The following ZNF83 variants were observed in gnomAD, a reference collection of about 807,000 sequenced individuals.
ZNF83 encodes the protein zinc finger protein 83.
For synonymous variants in ZNF83, 209 were observed against 213.0 expected, an observed-to-expected ratio of 0.98 and a Z score of 0.17; for missense variants, 552 against 629.9, an observed-to-expected ratio of 0.88 and a Z score of 1.32.
rs140349686 is a variant in ZNF83, at chr19:52,682,839, G to A, written c.-283+7604C>T. ...ACTAGAATTTTGCCATTGTACTCCA[G>A]ACCTGGGCCACAGAGCGACACCTTC... On this transcript the variant is annotated intron_variant, in intron 1 of 5. Coordinates refer to the ZNF83 transcript ENST00000594682. Among the ~76,000 whole-genome samples, 594 of 152,226 alleles carry A rather than the reference G, an allele frequency of 3.9e-3. 1 individual carries two copies. The highest frequency in any genetic ancestry group is 0.014 in the African/African-American group (564 of 41,556).
intron 1 of ZNF83, among the ~76,000 whole-genome samples, chr19:52,666,163 C>CA (rs35992506): frequency 0.66 from 67,137 of 102,030 alleles, 20,123 homozygotes; most frequent in Admixed American, 0.72. Context: ...GACTCCATCT[C>CA]AAAAAAAAAA....
At chr19:52,633,668 G>A (rs191605574) in intron 2 of ZNF83, among the ~76,000 whole-genome samples, 194 of 152,230 alleles carry the variant, frequency 1.3e-3, no homozygotes, top group African/African-American at 4.6e-3. Flanking sequence ...CCAGCACTTC[G>A]GGAGGCCCAA....
rs566754116 is a variant in ZNF83, at chr19:52,668,510, T to C, written c.-282-7667A>G. Among the ~76,000 whole-genome samples, 629 of 152,318 alleles carry C rather than the reference T, an allele frequency of 4.1e-3. 3 individuals are homozygous for C. The highest frequency in any genetic ancestry group is 0.014 in the African/African-American group (596 of 41,566). ...GAGCAGAGGTCACTGGAAAGGATCC[T>C]ATAGGCTTCTTTAGGGTGTGCTTTT... On this transcript the variant is annotated intron_variant, in intron 1 of 5. Transcript: ENST00000594682.
chr19:52,640,674 C>G (rs1202302353), upstream of ZNF83, among the ~76,000 whole-genome samples: 1 of 152,088 alleles, frequency 6.6e-6, no homozygotes, highest in Non-Finnish European at 1.5e-5. Flanking sequence ...CCCAGTCCAC[C>G]CCTTTACTGA....
chr19:52,687,616 GTATATATATATATAATGTATA>G (rs1240167049), intron 1 of ZNF83, among the ~76,000 whole-genome samples: 1 of 15,822 alleles, frequency 6.3e-5, no homozygotes, highest in Non-Finnish European at 1.1e-4. Flanking sequence ...TATATAATGT[GTATATATATATATAATGTATA>G]TATATATATA....
intron 1 of ZNF83, among the ~76,000 whole-genome samples, chr19:52,671,434 C>T (rs2061723704): frequency 6.6e-6 from 1 of 152,014 alleles, no homozygotes; most frequent in Non-Finnish European, 1.5e-5. Context: ...TACCTTTTAT[C>T]TTCAAGTTGT....
chr19:52,613,578 C>G (rs542960627), exon 3 of ZNF83: 3 of 1,610,858 alleles, frequency 1.9e-6, no homozygotes, highest in Non-Finnish European at 2.5e-6. Flanking sequence ...CTAGGGATGA[C>G]TTGTGACTGA....
intron 3 of ZNF83, among the ~76,000 whole-genome samples, chr19:52,648,271 A>G (rs977976893): frequency 2.0e-5 from 3 of 149,970 alleles, no homozygotes; most frequent in South Asian, 2.1e-4. Context: ...CTACTGCTCT[A>G]TGTCTGTCTC....
In ZNF83 at chr19:52,631,994, A is replaced by G. The variant is rs2060985622; in HGVS notation, c.-234+3072T>C. ...ATTTGCCCCCACCCAGGACTGGCAA[A>G]TTAGCTTTACTCAACGTGCCCTGAG... On this transcript the variant is annotated intron_variant, in intron 2 of 2. Coordinates refer to ENST00000301096, the Ensembl canonical transcript of ZNF83. 2.0e-5 allele frequency among the ~76,000 whole-genome samples: 3 copies of G among 151,858 alleles called. No individual in the cohort carries two copies. The South Asian group carries it at 6.2e-4, about 32-fold the overall frequency.
chr19:52,626,359 A>ATGG, intron 2 of ZNF83, among the ~76,000 whole-genome samples: 1 of 152,230 alleles, frequency 6.6e-6, no homozygotes, highest in Non-Finnish European at 1.5e-5. Context: ...ACTGCTGAAA[A>ATGG]AGGAGGACTC....
exon 3 of ZNF83, chr19:52,614,141 T>G: frequency 1.2e-6 from 2 of 1,614,204 alleles, no homozygotes; most frequent in Non-Finnish European, 1.7e-6. Flanking sequence ...CCAGTATGAA[T>G]TCTTTGATGA....
chr19:52,623,282 C>CTCTT (rs2060614361), intron 2 of ZNF83, among the ~76,000 whole-genome samples: 1 of 152,114 alleles, frequency 6.6e-6, no homozygotes, highest in African/African-American at 2.4e-5. Flanking sequence ...CTTTGGGTAA[C>CTCTT]TCTTACAGTG....
chr19:52,644,135 A>G (rs1258280659), intron 3 of ZNF83, among the ~76,000 whole-genome samples: 1 of 151,150 alleles, frequency 6.6e-6, no homozygotes. Context: ...GGCCCCGAAG[A>G]TGGTCTCTGT....
chr19:52,649,790 AAAAAAGTTACAG>A (rs1315727947), intron 3 of ZNF83, among the ~76,000 whole-genome samples: 1 of 152,176 alleles, frequency 6.6e-6, no homozygotes, highest in East Asian at 1.9e-4. Flanking sequence ...AGCCATTGCA[AAAAAAGTTACAG>A]AAACTAGAAA....
intron 1 of ZNF83, among the ~76,000 whole-genome samples, chr19:52,673,701 G>A (rs1258881025): frequency 6.6e-6 from 1 of 151,946 alleles, no homozygotes; most frequent in Non-Finnish European, 1.5e-5. Flanking sequence ...TCTAGCCTGG[G>A]TGACAGAGTG....
At position 52,652,205 on chromosome 19, in the gene ZNF83, G is replaced by A. The variant is rs550086526; in HGVS notation, c.-74+3356C>T. 2.4e-4 allele frequency: 52 copies of A among 216,402 alleles called. No individual in the cohort carries two copies. In the South Asian group the frequency reaches 2.7e-3, roughly 11 times the overall value. 13.4% of individuals were successfully genotyped at this position (216,402 alleles called of 1,614,324 possible). On this transcript the variant is annotated intron_variant, in intron 3 of 5. Transcript: ENST00000594682. ...TGTAATACCAGCACTTTGGGAGGCC[G>A]AGGCAGGCGGATCACAAGATCAAGA...
chr19:52,676,770 T>C (rs548486625), intron 1 of ZNF83, among the ~76,000 whole-genome samples: 146 of 139,502 alleles, frequency 1.0e-3, no homozygotes, highest in Non-Finnish European at 1.7e-3. Context: ...CTTTTCATTT[T>C]GTTCTGCACT....
intron 1 of ZNF83, among the ~76,000 whole-genome samples, chr19:52,664,753 TG>T (rs2061626377): frequency 2.6e-4 from 1 of 3,850 alleles, no homozygotes; most frequent in African/African-American, 1.5e-3. Context: ...GGGCCTGGTG[TG>T]GGGGGGTGAG....
chr19:52,685,264 A>G (rs1306316700), intron 1 of ZNF83, among the ~76,000 whole-genome samples: 2 of 152,078 alleles, frequency 1.3e-5, no homozygotes, highest in Non-Finnish European at 2.9e-5. Flanking sequence ...CTGGGCTCAG[A>G]GCGGGGACAT....
Sources: allele counts gnomAD v4.1 joint callset (sites outside exome capture counted in the v4.1 genomes callset), GRCh38; gene constraint gnomAD v4.1.1; transcripts MANE v1.5; gene names NCBI Gene and HGNC (gene_info 2026-07-23, HGNC 2026-07-21).